Variants in VAV3 observed in about 807,000 individuals in gnomAD.
The protein encoded by VAV3 is guanine nucleotide exchange factor VAV3.
VAV3 carries 94 observed loss-of-function variants against 131.2 expected under a neutral mutation model. The observed-to-expected ratio is 0.72, with a 90% CI of 0.61 to 0.85. The LOEUF is 0.85. Ranked by LOEUF, VAV3 falls within the 40% of genes least tolerant of loss-of-function variation. VAV3 has a pLI of 0.00. For missense variants in VAV3, 939 were observed against 1,002.7 expected, an observed-to-expected ratio of 0.94 and a Z score of 0.86; for synonymous variants, 349 against 342.0, an observed-to-expected ratio of 1.02 and a Z score of -0.22.
At chr1:107,709,693 A>G (rs1660660380) in intron 15 of VAV3, among the ~76,000 whole-genome samples, 1 of 152,136 alleles carries the variant, frequency 6.6e-6, no homozygotes, top group East Asian at 1.9e-4. Flanking sequence ...TTCTCATGAT[A>G]CGGAGTTATT....
chr1:107,673,678 A>T (rs985793944), intron 19 of VAV3: 1 of 152,226 alleles, frequency 6.6e-6, no homozygotes. Flanking sequence ...ATACTTGTCA[A>T]AGAGTTGAAA....
chr1:107,905,072 A>G (rs72983448), intron 1 of VAV3, among the ~76,000 whole-genome samples: 4,611 of 152,310 alleles, frequency 0.03, 234 homozygotes, highest in African/African-American at 0.11. Flanking sequence ...CAAGGAGCCA[A>G]GGTGGCTTGA....
chr1:107,717,327 G>A (rs1019016580), intron 15 of VAV3, among the ~76,000 whole-genome samples: 3 of 152,140 alleles, frequency 2.0e-5, no homozygotes, highest in African/African-American at 4.8e-5. Context: ...TAACTGTGAT[G>A]TTAGGGTGTC....
rs1405529445 is a variant in VAV3, at chr1:107,947,220, T to C, written c.204+17446A>G. On this transcript the variant is annotated intron_variant, in intron 1 of 26. Coordinates refer to ENST00000370056, the MANE Select transcript of VAV3 (RefSeq NM_006113.5). ...CCAATTCTGGGTAGAGTGTTACACATATGAAATTGCCAACAGACAAATCGA... is the reference window on the plus strand; with the variant it reads ...CCAATTCTGGGTAGAGTGTTACACACATGAAATTGCCAACAGACAAATCGA... 4.6e-5 allele frequency among the ~76,000 whole-genome samples: 7 copies of C among 152,238 alleles called. No individual in the cohort carries two copies. The East Asian group carries it at 1.3e-3, about 29-fold the overall frequency.
At chr1:107,688,983 C>T (rs1037105732) in intron 17 of VAV3, among the ~76,000 whole-genome samples, 1 of 152,016 alleles carries the variant, frequency 6.6e-6, no homozygotes, top group African/African-American at 2.4e-5. Context: ...ATTTTCTTTT[C>T]ATATTTAGTT....
At chr1:107,800,860 C>G (rs1295047797) in intron 2 of VAV3, among the ~76,000 whole-genome samples, 2 of 152,094 alleles carry the variant, frequency 1.3e-5, no homozygotes, top group Non-Finnish European at 2.9e-5. Context: ...CTTTGGCTGC[C>G]TGTGCTTTTG....
chr1:107,808,823 CA>C (rs1355872665), intron 2 of VAV3, among the ~76,000 whole-genome samples: 1 of 152,102 alleles, frequency 6.6e-6, no homozygotes, highest in Non-Finnish European at 1.5e-5. Flanking sequence ...CAACTGTTAA[CA>C]ATTACAATCA....
At chr1:107,916,245 T>C (rs1018172956) in intron 1 of VAV3, among the ~76,000 whole-genome samples, 3 of 152,188 alleles carry the variant, frequency 2.0e-5, no homozygotes, top group Non-Finnish European at 4.4e-5. Context: ...TGACATCAAA[T>C]GTGTTCTACC....
intron 22 of VAV3, among the ~76,000 whole-genome samples, chr1:107,608,771 T>C (rs989039278): frequency 6.6e-6 from 1 of 152,126 alleles, no homozygotes; most frequent in Non-Finnish European, 1.5e-5. Flanking sequence ...GAACAGAAAA[T>C]AATCAGAACA....
chr1:107,711,606 T>A (rs1169400372), intron 15 of VAV3, among the ~76,000 whole-genome samples: 1 of 152,208 alleles, frequency 6.6e-6, no homozygotes, highest in African/African-American at 2.4e-5. Context: ...AGTTTCTGCA[T>A]GAAAATGTCT....
intron 2 of VAV3, among the ~76,000 whole-genome samples, chr1:107,846,522 T>A (rs1322932945): frequency 3.3e-5 from 5 of 152,030 alleles, no homozygotes; most frequent in Admixed American, 3.3e-4. Context: ...AGGAGACCCA[T>A]CTCACATGCA....
intron 20 of VAV3, among the ~76,000 whole-genome samples, chr1:107,641,228 T>G (rs1361360311): frequency 1.3e-5 from 2 of 152,186 alleles, no homozygotes; most frequent in Non-Finnish European, 2.9e-5. Flanking sequence ...TTGGGCATTC[T>G]TATATAACAA....
At chr1:107,712,349 G>C (rs887137044) in intron 15 of VAV3, among the ~76,000 whole-genome samples, 3 of 152,134 alleles carry the variant, frequency 2.0e-5, no homozygotes, top group Non-Finnish European at 2.9e-5. Flanking sequence ...TTTTTTGTGT[G>C]TGATTTTTTT....
chr1:107,882,193 GAGTGCTAAT>G (rs1028294933), intron 1 of VAV3, among the ~76,000 whole-genome samples: 1 of 152,140 alleles, frequency 6.6e-6, no homozygotes, highest in Non-Finnish European at 1.5e-5. Context: ...GAAGGTCGGT[GAGTGCTAAT>G]AGACCTTCAC....
intron 15 of VAV3, among the ~76,000 whole-genome samples, chr1:107,705,507 A>T: frequency 6.6e-6 from 1 of 152,220 alleles, no homozygotes. Context: ...GGTCCATAAC[A>T]AGGAATACAG....
At chr1:107,703,835 G>A (rs1172888409) in intron 17 of VAV3, among the ~76,000 whole-genome samples, 2 of 151,954 alleles carry the variant, frequency 1.3e-5, no homozygotes, top group East Asian at 1.9e-4. Flanking sequence ...AAACTCGGGG[G>A]AAAAGGACAA....
intron 3 of VAV3, among the ~76,000 whole-genome samples, chr1:107,779,181 A>G (rs1025454257): frequency 1.3e-5 from 2 of 152,030 alleles, no homozygotes; most frequent in Non-Finnish European, 2.9e-5. Context: ...AAAAAAAAAA[A>G]AAGAAGAACC....
At chr1:107,779,859 C>A (rs768832887) in intron 2 of VAV3, among the ~76,000 whole-genome samples, 1 of 152,116 alleles carries the variant, frequency 6.6e-6, no homozygotes, top group Non-Finnish European at 1.5e-5. Context: ...TACCCACTAG[C>A]CACATGAGGC....
intron 13 of VAV3, 137 bp from the exon 14 acceptor site, chr1:107,749,731 G>C (rs1038497224): frequency 1.4e-5 from 13 of 940,106 alleles, no homozygotes; most frequent in Non-Finnish European, 2.0e-5. Flanking sequence ...GAAAACAACG[G>C]GGTATTTGAG....
Sources: allele counts gnomAD v4.1 joint callset (sites outside exome capture counted in the v4.1 genomes callset), GRCh38; gene constraint gnomAD v4.1.1; transcripts MANE v1.5; gene names NCBI Gene and HGNC (gene_info 2026-07-23, HGNC 2026-07-21).